Variants in IGFL4 observed in about 807,000 individuals in gnomAD.
The protein encoded by IGFL4 is IGF like family member 4.
IGFL4 carries 12 observed loss-of-function variants against 15.4 expected under a neutral mutation model. The ratio of observed to expected loss-of-function variants is 0.78; its 90% CI spans 0.50 to 1.26. The LOEUF (loss-of-function observed/expected upper bound fraction) is 1.26, where lower values mean the gene tolerates loss of function less well. Among genes scored for constraint, IGFL4 ranks in the 50% most tolerant of loss-of-function variants. The pLI is 0.00. For synonymous variants in IGFL4, 54 were observed against 55.9 expected (o/e 0.97, Z 0.16); for missense variants, 126 against 147.8 (o/e 0.85, Z 0.76).
chr19:46,054,113 A>G (rs1969371957), intron 2 of IGFL4, among the ~76,000 whole-genome samples: 1 of 152,100 alleles, frequency 6.6e-6, no homozygotes, highest in South Asian at 2.1e-4. Flanking sequence ...TTATTTTGAT[A>G]TAATCCCATT....
chr19:46,049,670 A>T (rs1394962663), intron 2 of IGFL4, among the ~76,000 whole-genome samples: 1 of 151,768 alleles, frequency 6.6e-6, no homozygotes, highest in East Asian at 1.9e-4. Context: ...CCCCCACCTG[A>T]TTTTCTCTAT....
chr19:46,040,634 T>C lies in IGFL4; in HGVS notation c.20-66A>G. The stretch of plus-strand genomic sequence containing the variant: ...TAGGTCTTGACCACGGGGCACAGGA[T>C]GATGTCTCTGAGCTTCTCTGGTTGC... On this transcript the variant is annotated intron_variant, in intron 1 of 3. Coordinates refer to ENST00000377697, the MANE Select transcript of IGFL4 (RefSeq NM_001002923.3). This position sits in a 1 kb window ranked among gnomAD's most constrained non-coding sequence, Gnocchi z 4.1. The C allele has an allele frequency of 6.5e-7, 1 of 1,543,296 alleles. No individual in the cohort carries two copies. The highest frequency in any genetic ancestry group is 8.9e-7 in the Non-Finnish European group (1 of 1,118,474).
At chr19:46,039,974 G>A (rs1969220595) in intron 3 of IGFL4, 38 bp from the exon 4 acceptor site, 2 of 1,582,906 alleles carry the variant, frequency 1.3e-6, no homozygotes, top group Non-Finnish European at 1.7e-6. Context: ...GAATAAGAGG[G>A]AGGGTGGTAG....
At chr19:46,051,944 A>C (rs1460978191) in intron 2 of IGFL4, among the ~76,000 whole-genome samples, 1 of 152,242 alleles carries the variant, frequency 6.6e-6, no homozygotes, top group Admixed American at 6.5e-5. Context: ...CACAGTTCTA[A>C]ATATACATGC....
chr19:46,051,803 C>A (rs1380135391), intron 2 of IGFL4, among the ~76,000 whole-genome samples: 1 of 152,026 alleles, frequency 6.6e-6, no homozygotes, highest in African/African-American at 2.4e-5. Context: ...ATATCCCATG[C>A]AAATGGACAC....
At chr19:46,061,591 C>G (rs1428317957) in intron 1 of IGFL4, among the ~76,000 whole-genome samples, 2 of 152,178 alleles carry the variant, frequency 1.3e-5, no homozygotes, top group Admixed American at 1.3e-4. Context: ...AAGGCAAAAA[C>G]AGATCCCCAA....
chr19:46,039,903 C>T lies in IGFL4; in HGVS notation c.364G>A (p.Asp122Asn), dbSNP rs754336384. The stretch of plus-strand genomic sequence containing the variant: ...TACCCCAGAACAGTCTAGATGAGGT[C>T]AGATCTTGACACAGGGCTTTTTGGG... ...YHPKSPVSRS[D>N]LI Residue 122 changes from aspartate (D) to asparagine (N), a missense_variant, in exon 4 of 4, where the codon GAC becomes AAC. By Grantham distance (23) the Asp-to-Asn change is conservative. Transcript: ENST00000377697. 4 of 1,612,822 alleles carry T rather than the reference C, an allele frequency of 2.5e-6. No individual in the cohort carries two copies. The highest frequency in any genetic ancestry group is 1.3e-5 in the African/African-American group (1 of 74,990).
intron 2 of IGFL4, among the ~76,000 whole-genome samples, chr19:46,049,152 C>G (rs960046896): frequency 6.6e-6 from 1 of 152,160 alleles, no homozygotes; most frequent in East Asian, 1.9e-4. Context: ...AGATAGGAGG[C>G]AGGACTAACT....
In IGFL4 at chr19:46,039,729, T is replaced by A. The variant is rs1336863793; in HGVS notation, c.*163A>T. On this transcript the variant is annotated 3_prime_UTR_variant, in exon 4 of 4. Transcript: ENST00000377697. ...GGTGTATAAGAATGCTTGTGATTTT[T>A]GTACATTGATTTTGTATCCTGAGAC... 4 of 610,544 alleles carry A rather than the reference T, an allele frequency of 6.6e-6. No individual in the cohort carries two copies. In the South Asian group the frequency reaches 7.2e-5, roughly 11 times the overall value. 37.8% of individuals were successfully genotyped at this position (610,544 alleles called of 1,614,324 possible). A position where few individuals can be genotyped will look rare whatever the true frequency, so the allele number is the denominator to read the frequency against.
chr19:46,062,384 A>T (rs1399802118), intron 1 of IGFL4, among the ~76,000 whole-genome samples: 1 of 152,258 alleles, frequency 6.6e-6, no homozygotes, highest in African/African-American at 2.4e-5. Context: ...AGAATGGCAC[A>T]GCCTTACCTA....
At chr19:46,050,347 A>C (rs1381419850) in intron 2 of IGFL4, among the ~76,000 whole-genome samples, 1 of 152,164 alleles carries the variant, frequency 6.6e-6, no homozygotes, top group African/African-American at 2.4e-5. Flanking sequence ...AAAAGAATTC[A>C]GAAGATCGAT....
intron 1 of IGFL4, among the ~76,000 whole-genome samples, chr19:46,073,049 A>G (rs1399959495): frequency 6.6e-6 from 1 of 152,206 alleles, no homozygotes; most frequent in Non-Finnish European, 1.5e-5. Flanking sequence ...TGGAGCAGGA[A>G]GTGGACAGGA....
At chr19:46,068,521 G>A (rs1293849655) in intron 1 of IGFL4, among the ~76,000 whole-genome samples, 3 of 152,240 alleles carry the variant, frequency 2.0e-5, no homozygotes, top group Non-Finnish European at 2.9e-5. Flanking sequence ...TTGTCATCCC[G>A]CTTTGTTGAT....
At chr19:46,055,339 T>G (rs1969382923) in intron 2 of IGFL4, among the ~76,000 whole-genome samples, 1 of 152,092 alleles carries the variant, frequency 6.6e-6, no homozygotes, top group African/African-American at 2.4e-5. Flanking sequence ...CAGTTTCTCC[T>G]GCTTCAGCTT....
At position 46,062,937 on chromosome 19, in the gene IGFL4, C is replaced by T. The variant is rs145647988; in HGVS notation, c.-431-2644G>A. On this transcript the variant is annotated intron_variant, in intron 1 of 5. Coordinates refer to the IGFL4 transcript ENST00000601672. ...CACCCACAGCCATCAGCAAAGAGTG[C>T]AAGGCAGATTAATCCAAAGAGAATA... 5.6e-3 allele frequency: 844 copies of T among 150,720 alleles called. 8 individuals carry two copies. The highest frequency in any genetic ancestry group is 0.01 in the Non-Finnish European group (691 of 67,852). The allele number at this position is 150,720 out of a possible 1,614,324, so 9.3% of individuals were successfully genotyped here. A position where few individuals can be genotyped will look rare whatever the true frequency, so the allele number is the denominator to read the frequency against.
chr19:46,075,608 T>C (rs532941375), intron 1 of IGFL4, among the ~76,000 whole-genome samples: 65 of 152,276 alleles, frequency 4.3e-4, no homozygotes, highest in Admixed American at 1.5e-3. Flanking sequence ...TCACATCCTA[T>C]CAAGGAGATA....
intron 1 of IGFL4, among the ~76,000 whole-genome samples, chr19:46,073,528 C>T (rs1969566173): frequency 6.6e-6 from 1 of 152,188 alleles, no homozygotes; most frequent in African/African-American, 2.4e-5. Flanking sequence ...TCTAGGCCCT[C>T]TGTGTGATGG....
intron 2 of IGFL4, among the ~76,000 whole-genome samples, chr19:46,053,512 A>G (rs921575171): frequency 1.3e-5 from 2 of 152,078 alleles, no homozygotes; most frequent in African/African-American, 4.8e-5. Context: ...TTCTTTATTC[A>G]TTCGTCTGCT....
chr19:46,045,427 G>A (rs77394514), upstream of IGFL4, among the ~76,000 whole-genome samples: 1 of 144,284 alleles, frequency 6.9e-6, no homozygotes, highest in African/African-American at 2.6e-5. Context: ...TGGGTGACAA[G>A]AGTGAAACTC....
Sources: allele counts gnomAD v4.1 joint callset (sites outside exome capture counted in the v4.1 genomes callset), GRCh38; gene constraint gnomAD v4.1.1; non-coding constraint Gnocchi (gnomAD v3.1); transcripts MANE v1.5; gene names NCBI Gene and HGNC (gene_info 2026-07-23, HGNC 2026-07-21).